Variants in TRIOBP observed in about 807,000 individuals in gnomAD.
TRIOBP encodes the protein TRIO and F-actin binding protein.
In TRIOBP, 169 loss-of-function variants were observed where a neutral mutation model predicts 238.8. The observed-to-expected ratio is 0.71, with a 90% CI of 0.62 to 0.80. The LOEUF is 0.80. Among genes scored for constraint, TRIOBP ranks in the 30% least tolerant of loss-of-function variants. The probability of loss-of-function intolerance (pLI) is 0.00; values close to 1 mark genes in which losing one functional copy is unlikely to be tolerated. For synonymous variants in TRIOBP, 1,150 were observed against 1,274.4 expected (o/e 0.90, Z 2.08); for missense variants, 2,838 against 3,122.6 (o/e 0.91, Z 2.17).
At position 37,720,000 on chromosome 22, in the gene TRIOBP, C is replaced by CTT. The variant is rs869261824; in HGVS notation, c.629-3160_629-3159dup. Reference sequence around the variant, plus strand: ...ACTGTTTCACTCATCCCCCCCCGCCCTTTTTTTTTTTTTTTTTTTTTTTTT... The same window carrying CTT: ...ACTGTTTCACTCATCCCCCCCCGCCCTTTTTTTTTTTTTTTTTTTTTTTTTTT... On this transcript the variant is annotated intron_variant, in intron 6 of 23. Coordinates refer to ENST00000644935, the MANE Select transcript of TRIOBP (RefSeq NM_001039141.3). Among the ~76,000 whole-genome samples, 41 of 54,394 alleles carry CTT rather than the reference C, an allele frequency of 7.5e-4. 4 individuals are homozygous for CTT. Among genetic ancestry groups the CTT allele is most frequent in the African/African-American group, 2.7e-3 (35 of 13,108 alleles). 35.7% of individuals were successfully genotyped at this position (54,394 alleles called of 152,430 possible). A position where few individuals can be genotyped will look rare whatever the true frequency, so the allele number is the denominator to read the frequency against.
intron 3 of TRIOBP, among the ~76,000 whole-genome samples, chr22:37,704,925 TAGCC>T (rs1185009403): frequency 4.2e-5 from 6 of 142,188 alleles, no homozygotes; most frequent in African/African-American, 1.5e-4. Context: ...AAAAAAAAAT[TAGCC>T]AGGCAGGATG....
chr22:37,721,705 T>C (rs1238936241), intron 6 of TRIOBP, among the ~76,000 whole-genome samples: 1 of 152,142 alleles, frequency 6.6e-6, no homozygotes, highest in Non-Finnish European at 1.5e-5. Context: ...GGTCTGGAAC[T>C]CCTGAGCTCG....
At chr22:37,733,470 C>T (rs548180167) in intron 8 of TRIOBP, 58 bp downstream of exon 8, 38 of 1,341,104 alleles carry the variant, frequency 2.8e-5, no homozygotes, top group Non-Finnish European at 3.8e-5. Flanking sequence ...CTGCCTCTTC[C>T]CTCCCGCTAG....
rs148874577 is a variant in TRIOBP at position 37,723,782 on chromosome 22, G to A, written c.1226G>A (p.Arg409Gln). ...RENSRTSCAQ[R>Q]DNPKASRTSS... ...AATTCCAGAACATCCTGTGCCCAGC[G>A]GGACAATCCCAAAGCCTCCAGAACC... Residue 409 changes from arginine to glutamine, a missense_variant, in exon 7 of 24, where the codon CGG becomes CAG. By Grantham distance (43) the Arg-to-Gln change is conservative. Around this residue, in one of 5 missense-constraint regions of TRIOBP, gnomAD observed 535 missense variants for 537.3 expected, o/e 1.00. Coordinates refer to ENST00000644935, the MANE Select transcript of TRIOBP (RefSeq NM_001039141.3). 1,479 of 1,417,954 alleles carry A rather than the reference G, an allele frequency of 1.0e-3. 29 individuals carry two copies. The East Asian group carries it at 0.032, about 30-fold the overall frequency. 87.8% of individuals were successfully genotyped at this position (1,417,954 alleles called of 1,614,324 possible).
At chr22:37,727,767 C>G (rs2145837117) in intron 7 of TRIOBP, among the ~76,000 whole-genome samples, 1 of 152,304 alleles carries the variant, frequency 6.6e-6, no homozygotes, top group Middle Eastern at 3.4e-3. Context: ...TCCTGGGACA[C>G]CTGAAGTCCA....
intron 10 of TRIOBP, 108 bp from the exon 11 acceptor site, chr22:37,740,786 TG>T: frequency 6.7e-7 from 1 of 1,485,716 alleles, no homozygotes. Context: ...ATGGGAACCC[TG>T]GGGCTCCATG....
intron 3 of TRIOBP, among the ~76,000 whole-genome samples, chr22:37,708,561 G>C (rs1923073721): frequency 6.6e-6 from 1 of 152,150 alleles, no homozygotes; most frequent in Admixed American, 6.5e-5. Context: ...CAAAAAAAAA[G>C]CCCTTTACAA....
At chr22:37,759,686 A>C in intron 17 of TRIOBP, 1 of 1,516,442 alleles carries the variant, frequency 6.6e-7, no homozygotes, top group Non-Finnish European at 8.8e-7. Flanking sequence ...GGCCCCACAC[A>C]AGGAGGTCTG....
At chr22:37,713,455 C>T in intron 5 of TRIOBP, 44 bp downstream of exon 5, 1 of 1,599,222 alleles carries the variant, frequency 6.3e-7, no homozygotes, top group East Asian at 2.2e-5. Flanking sequence ...TGGCTCACAC[C>T]TCCATCTGCA....
intron 14 of TRIOBP, 67 bp from the exon 15 acceptor site, chr22:37,755,483 G>C: frequency 7.1e-7 from 1 of 1,408,026 alleles, no homozygotes; most frequent in Non-Finnish European, 1.0e-6. Flanking sequence ...CCCTCCCTGG[G>C]GTCCATAGTG....
chr22:37,728,770 A>G (rs566073062), intron 7 of TRIOBP, among the ~76,000 whole-genome samples: 3 of 152,190 alleles, frequency 2.0e-5, no homozygotes, highest in South Asian at 2.1e-4. Context: ...ATTTGTTACA[A>G]TCCATGAACC....
chr22:37,715,999 C>T, intron 6 of TRIOBP, 65 bp downstream of exon 6: 1 of 1,583,772 alleles, frequency 6.3e-7, no homozygotes, highest in Non-Finnish European at 8.6e-7. Flanking sequence ...AGCCATCTCA[C>T]TGGCCATTTG....
intron 11 of TRIOBP, among the ~76,000 whole-genome samples, chr22:37,747,380 G>A (rs1925339104): frequency 6.6e-6 from 1 of 151,398 alleles, no homozygotes; most frequent in African/African-American, 2.4e-5. Flanking sequence ...CCTGGGGGAG[G>A]ATGAGCAGGG....
At chr22:37,755,811 C>T (rs1297631040) in intron 15 of TRIOBP, 152 bp downstream of exon 15, 1 of 720,802 alleles carries the variant, frequency 1.4e-6, no homozygotes, top group Admixed American at 2.0e-5. Flanking sequence ...TTCTCGGTAT[C>T]ATCCAGAAGT....
At chr22:37,736,296 C>G (rs985594389) in intron 9 of TRIOBP, among the ~76,000 whole-genome samples, 3 of 152,196 alleles carry the variant, frequency 2.0e-5, no homozygotes, top group Non-Finnish European at 2.9e-5. Flanking sequence ...CTCTCTCTCT[C>G]TCTGTAAGAT....
At chr22:37,717,270 G>A (rs1055393612) in intron 6 of TRIOBP, among the ~76,000 whole-genome samples, 2 of 152,196 alleles carry the variant, frequency 1.3e-5, no homozygotes, top group South Asian at 2.1e-4. Flanking sequence ...CGTGGTGAGC[G>A]TTACAGCTCA....
chr22:37,712,373 C>T (rs1028492558), intron 4 of TRIOBP, among the ~76,000 whole-genome samples: 1 of 151,826 alleles, frequency 6.6e-6, no homozygotes, highest in South Asian at 2.1e-4. Context: ...GTGCTGTCAC[C>T]CAGGCTGGAG....
Position 37,768,137 on chromosome 22 carries a change from G to A in TRIOBP, c.6536G>A (p.Ser2179Asn). Residue 2179 changes from serine (S) to asparagine (N), a missense_variant, in exon 19 of 24, where the codon AGT (serine) becomes AAT (asparagine). Physicochemically the swap from Ser to Asn is conservative, Grantham distance 46. Coordinates refer to ENST00000644935, the MANE Select transcript of TRIOBP (RefSeq NM_001039141.3). ...AGCCGAGAGCTGAGCAAAACACGGA[G>A]TCTCCAGCAGGGCCCGGATGGCCTC... ...ELSRELSKTR[S>N]LQQGPDGLRK... 1.2e-6 allele frequency: 2 copies of A among 1,613,690 alleles called. No individual in the cohort carries two copies. The highest frequency in any genetic ancestry group is 1.7e-6 in the Non-Finnish European group (2 of 1,179,846).
rs1569057949 is a variant in TRIOBP, at chr22:37,757,799, GGCCCGCACCCCA to G, written c.5883_5894del (p.Ala1963_Pro1966del). 1.3e-6 allele frequency: 2 copies of G among 1,547,918 alleles called. No individual in the cohort carries two copies. Among genetic ancestry groups the G allele is most frequent in the Non-Finnish European group, 1.7e-6 (2 of 1,145,210 alleles). ...CGCTGACCCAGGCTTCCCCGCAGCGGGCCCGCACCCCAGCCCGCACTCCTGACCGCCTGGCCA... is the reference window on the plus strand; with the variant it reads ...CGCTGACCCAGGCTTCCCCGCAGCGGGCCCGCACTCCTGACCGCCTGGCCA... On this transcript the variant is annotated inframe_deletion, in exon 16 of 24. Coordinates refer to ENST00000644935, the MANE Select transcript of TRIOBP (RefSeq NM_001039141.3).
Sources: gnomAD v4.1 joint callset for allele counts (sites outside exome capture counted in the v4.1 genomes callset) on GRCh38, gnomAD v4.1.1 for gene constraint, gnomAD v4.1.1 regional missense constraint, MANE v1.5 for transcripts, NCBI Gene and HGNC (gene_info 2026-07-23, HGNC 2026-07-21) for gene names.